CCR6: variants seen among roughly 807,000 people sequenced by gnomAD.
CCR6 encodes the protein C-C chemokine receptor type 6.
In CCR6, 2 loss-of-function variants were observed where a neutral mutation model predicts 3.0. That is an observed-to-expected ratio of 0.66 (90% CI 0.27 to 2.07). The LOEUF (loss-of-function observed/expected upper bound fraction) is 2.07, where lower values mean the gene tolerates loss of function less well. Among genes scored for constraint, CCR6 ranks in the 30% most tolerant of loss-of-function variants. The pLI is 0.14. For synonymous variants in CCR6, 193 were observed against 184.3 expected (o/e 1.05, Z -0.38); for missense variants, 322 against 462.8 (o/e 0.70, Z 2.79).
chr6:167,134,276 T>G (rs1781816474), intron 1 of CCR6, among the ~76,000 whole-genome samples: 1 of 152,158 alleles, frequency 6.6e-6, no homozygotes, highest in African/African-American at 2.4e-5. Context: ...TTGCTGTGCT[T>G]CTTCTGATTG....
upstream of CCR6, among the ~76,000 whole-genome samples, chr6:167,118,890 C>T (rs896386701): frequency 5.3e-5 from 8 of 152,138 alleles, no homozygotes; most frequent in East Asian, 1.9e-4. Flanking sequence ...CCCTTGGTCC[C>T]GGCTCCCTTC....
chr6:167,128,728 C>A (rs529551158), intron 1 of CCR6, among the ~76,000 whole-genome samples: 2 of 152,240 alleles, frequency 1.3e-5, no homozygotes, highest in African/African-American at 4.8e-5. Flanking sequence ...TGTGCCACCA[C>A]ACCCAGCTAA....
In CCR6 at chr6:167,136,049, C is replaced by A; in HGVS notation, c.-86C>A. 1 of 1,493,860 alleles carries A rather than the reference C, an allele frequency of 6.7e-7. No individual in the cohort carries two copies. Among genetic ancestry groups the A allele is most frequent in the Non-Finnish European group, 9.1e-7 (1 of 1,094,356 alleles). 92.5% of individuals were successfully genotyped at this position (1,493,860 alleles called of 1,614,324 possible). ...TCTTTCCTTCTTAGAGTCACCTCTA[C>A]TTTCCTGCTACCGCTGCCTGTGAGC... is the stretch of plus-strand genomic sequence containing the variant. On this transcript the variant is annotated 5_prime_UTR_variant, in exon 2 of 3. Transcript: ENST00000341935. This position sits in a 1 kb window ranked among gnomAD's most constrained non-coding sequence, Gnocchi z 4.6.
chr6:167,124,265 G>GGAAAA (rs10683579), intron 1 of CCR6, among the ~76,000 whole-genome samples: 4 of 135,660 alleles, frequency 2.9e-5, no homozygotes, highest in African/African-American at 5.5e-5. Context: ...TAAAGGAACT[G>GGAAAA]AAAAAAAAAA....
In CCR6 at chr6:167,136,162, G is replaced by T; in HGVS notation, c.9+19G>T. 1 of 1,613,462 alleles carries T rather than the reference G, an allele frequency of 6.2e-7. No homozygotes were observed. On this transcript the variant is annotated intron_variant, in intron 2 of 2. Transcript: ENST00000341935. The surrounding 1 kb of genome is among the most constrained non-coding windows in gnomAD (Gnocchi z 4.6). ...GAGCGGGGTAAGATTTTTATTTTTG[G>T]CAAGGGGTATAATTTGGGTTCACTG...
chr6:167,122,291 C>G (rs1781601079), upstream of CCR6, among the ~76,000 whole-genome samples: 2 of 152,234 alleles, frequency 1.3e-5, no homozygotes, highest in African/African-American at 4.8e-5. The surrounding 1 kb of genome is among the most constrained non-coding windows in gnomAD (Gnocchi z 4.2). Context: ...TTCACAGCAA[C>G]CCAGGTGCGA....
chr6:167,131,629 G>T, intron 1 of CCR6: 1 of 154,694 alleles, frequency 6.5e-6, no homozygotes, highest in Non-Finnish European at 1.4e-5. Context: ...CTGTCCCCAA[G>T]CCCCTGCCTT....
At chr6:167,124,633 G>T (rs773275471) in intron 1 of CCR6, among the ~76,000 whole-genome samples, 2 of 152,146 alleles carry the variant, frequency 1.3e-5, no homozygotes, top group Non-Finnish European at 2.9e-5. Context: ...ACAGTAATGG[G>T]AGTCTCACCA....
chr6:167,136,132 A>G lies in CCR6; in HGVS notation c.-3A>G. On this transcript the variant is annotated 5_prime_UTR_variant, in exon 2 of 3. Coordinates refer to ENST00000341935, the MANE Select transcript of CCR6 (RefSeq NM_031409.4). This position sits in a 1 kb window ranked among gnomAD's most constrained non-coding sequence, Gnocchi z 4.6. ...CAACCAGCTTGCATTTTTTCTGCCC[A>G]CAATGAGCGGGGTAAGATTTTTATT... 6.2e-7 allele frequency: 1 copy of G among 1,613,732 alleles called. No individual in the cohort carries two copies. Among genetic ancestry groups the G allele is most frequent in the Non-Finnish European group, 8.5e-7 (1 of 1,179,920 alleles).
chr6:167,132,138 G>A (rs770467252), intron 1 of CCR6, among the ~76,000 whole-genome samples: 1 of 152,288 alleles, frequency 6.6e-6, no homozygotes, highest in Non-Finnish European at 1.5e-5. Context: ...AGTCACCCCC[G>A]TTGGAGCATG....
chr6:167,124,966 A>T (rs965719748), intron 1 of CCR6, among the ~76,000 whole-genome samples: 5 of 152,100 alleles, frequency 3.3e-5, no homozygotes, highest in Admixed American at 6.5e-5. Flanking sequence ...ACACACATAC[A>T]CATGTATACA....
intron 1 of CCR6, among the ~76,000 whole-genome samples, chr6:167,130,973 A>ACCCCTCCTTCTGGG (rs1491251754): frequency 3.0e-4 from 24 of 79,994 alleles, no homozygotes; most frequent in African/African-American, 1.1e-3. Context: ...TCCCTCTGGG[A>ACCCCTCCTTCTGGG]CCACCCTCCC....
At chr6:167,130,479 T>G (rs1269736817) in intron 1 of CCR6, among the ~76,000 whole-genome samples, 89 of 152,008 alleles carry the variant, frequency 5.9e-4, no homozygotes, top group Non-Finnish European at 2.5e-4. Flanking sequence ...GAGCAAGTTG[T>G]GAACAGGATT....
At chr6:167,125,854 A>G (rs886661559) in intron 1 of CCR6, among the ~76,000 whole-genome samples, 1 of 152,248 alleles carries the variant, frequency 6.6e-6, no homozygotes, top group South Asian at 2.1e-4. Context: ...AAATTGCAAA[A>G]AAAATTGAAC....
At position 167,135,719 on chromosome 6, in the gene CCR6, A is replaced by G. The variant is rs533554618; in HGVS notation, c.-97-319A>G. Among the ~76,000 whole-genome samples, 9 of 152,362 alleles carry G rather than the reference A, an allele frequency of 5.9e-5. No individual in the cohort carries two copies. The East Asian group carries it at 1.7e-3, about 29-fold the overall frequency. ...AGCACCTTATTTAACCAATAGATCA[A>G]GGGTTGGCAAATTATAGCCTCTAGC... On this transcript the variant is annotated intron_variant, in intron 1 of 2. Coordinates refer to ENST00000341935, the MANE Select transcript of CCR6 (RefSeq NM_031409.4).
At chr6:167,127,045 TACAGTCA>T (rs1562558313) in intron 1 of CCR6, 4 of 152,256 alleles carry the variant, frequency 2.6e-5, no homozygotes, top group African/African-American at 9.6e-5. Flanking sequence ...AACGGACTAA[TACAGTCA>T]ACTTATTGAT....
At position 167,137,179 on chromosome 6, in the gene CCR6, G is replaced by A. The variant is rs370723436; in HGVS notation, c.949G>A (p.Ala317Thr). 12 of 1,614,144 alleles carry A rather than the reference G, an allele frequency of 7.4e-6. No homozygotes were observed. Among genetic ancestry groups the A allele is most frequent in the East Asian group, 2.2e-5 (1 of 44,880 alleles). The change falls in exon 3 of 3, where the codon GCT (alanine) becomes ACT (threonine). Residue 317 changes from alanine (A) to threonine (T), a missense_variant. Ala to Thr is a moderately conservative substitution (Grantham distance 58). Coordinates refer to ENST00000341935, the MANE Select transcript of CCR6 (RefSeq NM_031409.4). The surrounding 1 kb of genome is among the most constrained non-coding windows in gnomAD (Gnocchi z 4.6). ...CTGCTGCCTGAACCCTGTGCTCTAC[G>A]CTTTTATTGGGCAGAAGTTCAGAAA... The part of the protein sequence containing the change: ...LHCCLNPVLY[A>T]FIGQKFRNYF...
chr6:167,133,932 G>GTATGTATA (rs1781808725), intron 1 of CCR6, among the ~76,000 whole-genome samples: 1 of 110,340 alleles, frequency 9.1e-6, no homozygotes, highest in African/African-American at 4.4e-5. Flanking sequence ...ATATATGTGT[G>GTATGTATA]TATATATATA....
chr6:167,117,390 G>A (rs550280311), intron 1 of CCR6, among the ~76,000 whole-genome samples: 37 of 151,106 alleles, frequency 2.4e-4, no homozygotes, highest in African/African-American at 8.0e-4. Flanking sequence ...GCTGCTTACC[G>A]GAACTCTATT....
Sources: allele counts gnomAD v4.1 joint callset (sites outside exome capture counted in the v4.1 genomes callset), GRCh38; gene constraint gnomAD v4.1.1; non-coding constraint Gnocchi (gnomAD v3.1); transcripts MANE v1.5; gene names NCBI Gene and HGNC (gene_info 2026-07-23, HGNC 2026-07-21).